The following WDR76 variants were observed in gnomAD, a reference collection of about 807,000 sequenced individuals.
WDR76 encodes WD repeat-containing protein 76.
A neutral mutation model predicts 70.2 loss-of-function variants in WDR76; 52 were observed. The observed-to-expected ratio is 0.74, with a 90% CI of 0.59 to 0.93. The LOEUF is 0.93. Ranked by LOEUF, WDR76 falls within the 40% of genes least tolerant of loss-of-function variation. WDR76 has a pLI of 0.00. For synonymous variants in WDR76, 292 were observed against 271.1 expected (o/e 1.08, Z -0.76); for missense variants, 756 against 760.2 (o/e 0.99, Z 0.07).
intron 9 of WDR76, among the ~76,000 whole-genome samples, chr15:43,854,494 T>TCCA (rs1275904830): frequency 3.3e-5 from 5 of 151,884 alleles, no homozygotes; most frequent in Non-Finnish European, 5.9e-5. Context: ...CACTTGAACC[T>TCCA]GGAAGGGTGA....
At chr15:43,835,205 G>A (rs1002669820) in intron 3 of WDR76, 55 bp downstream of exon 3, 44 of 1,521,038 alleles carry the variant, frequency 2.9e-5, no homozygotes, top group Non-Finnish European at 3.8e-5. Context: ...AGTGGGTAGC[G>A]CCTGTAATCC....
chr15:43,837,042 C>CAAAAAAAAA (rs541159343), intron 4 of WDR76, among the ~76,000 whole-genome samples: 1 of 58,306 alleles, frequency 1.7e-5, no homozygotes, highest in African/African-American at 6.4e-5. Context: ...CTCCATCTCA[C>CAAAAAAAAA]AAAAAAAAAA....
chr15:43,841,234 A>C (rs1373431508), intron 5 of WDR76, among the ~76,000 whole-genome samples: 2 of 129,688 alleles, frequency 1.5e-5, no homozygotes, highest in Admixed American at 8.7e-5. Context: ...ACGGAGTCTC[A>C]ATCTGTTGCC....
At chr15:43,847,461 G>A (rs1736336512) in intron 8 of WDR76, among the ~76,000 whole-genome samples, 1 of 150,240 alleles carries the variant, frequency 6.7e-6, no homozygotes, top group African/African-American at 2.5e-5. Context: ...TTGCTCTGTT[G>A]CCCAGGCTGG....
chr15:43,861,182 G>A, intron 11 of WDR76, 151 bp from the exon 12 acceptor site: 1 of 673,338 alleles, frequency 1.5e-6, no homozygotes. Context: ...TACAGGCATG[G>A]GCCTCTAAAC....
chr15:43,839,819 G>A, intron 5 of WDR76, 91 bp downstream of exon 5: 1 of 1,345,036 alleles, frequency 7.4e-7, no homozygotes, highest in Non-Finnish European at 9.9e-7. Context: ...ATTAAATTAT[G>A]TTTAATTTTA....
intron 8 of WDR76, among the ~76,000 whole-genome samples, chr15:43,849,088 T>C (rs2087824428): frequency 6.6e-6 from 1 of 150,530 alleles, no homozygotes. Context: ...GACAGGAGAA[T>C]CGCTTGAACC....
chr15:43,848,477 C>T (rs2087815745), intron 8 of WDR76, among the ~76,000 whole-genome samples: 1 of 152,116 alleles, frequency 6.6e-6, no homozygotes, highest in Non-Finnish European at 1.5e-5. Flanking sequence ...GATTTTTCCT[C>T]TTTTCAATGA....
chr15:43,838,519 C>T (rs572768841), intron 4 of WDR76, among the ~76,000 whole-genome samples: 2 of 152,312 alleles, frequency 1.3e-5, no homozygotes, highest in African/African-American at 2.4e-5. Context: ...GTGAGTGTAT[C>T]CTTAAACACT....
Position 43,856,948 on chromosome 15 carries a change from G to A in WDR76, c.1194G>A (p.Val398=), listed in dbSNP as rs778691011. 17 of 1,613,144 alleles carry A rather than the reference G, an allele frequency of 1.1e-5. No homozygotes were observed. In the African/African-American group the frequency reaches 2.3e-4, roughly 22 times the overall value. Reference sequence around the variant, plus strand: ...CTGATTGTTACTTATATTCTTAGGTGTATAGAAATGAAAGAAGTAGCTTTT... The same window carrying A: ...CTGATTGTTACTTATATTCTTAGGTATATAGAAATGAAAGAAGTAGCTTTT... ...GDFSRAIFEE[V]YRNERSSFSS... Residue 398 remains valine, a splice_region_variant and synonymous_variant, in exon 10 of 13, where the codon GTG becomes GTA. Transcript: ENST00000263795.
In WDR76 at chr15:43,857,910, G is replaced by A. The variant is rs192974116; in HGVS notation, c.1409+747G>A. ...TTGAGATGTGTCTAGTATTGTACTT[G>A]TTATCTATACCAGTTTTGGGGAAAT... On this transcript the variant is annotated intron_variant, in intron 10 of 12. Coordinates refer to ENST00000263795, the MANE Select transcript of WDR76 (RefSeq NM_024908.4). 2.1e-3 allele frequency among the ~76,000 whole-genome samples: 292 copies of A among 140,960 alleles called. 1 individual carries two copies. Among genetic ancestry groups the A allele is most frequent in the African/African-American group, 7.2e-3 (279 of 38,524 alleles). The allele number at this position is 140,960 out of a possible 152,430, so 92.5% of individuals were successfully genotyped here. A position where few individuals can be genotyped will look rare whatever the true frequency, so the allele number is the denominator to read the frequency against.
At position 43,867,121 on chromosome 15, in the gene WDR76, C is replaced by T. The variant is rs1449796719; in HGVS notation, c.*729C>T. The T allele has an allele frequency of 6.6e-6, 1 of 152,136 alleles. No homozygotes were observed. The allele number at this position is 152,136 out of a possible 1,614,324, so 9.4% of individuals were successfully genotyped here. A position where few individuals can be genotyped will look rare whatever the true frequency, so the allele number is the denominator to read the frequency against. On this transcript the variant is annotated 3_prime_UTR_variant, in exon 13 of 13. Coordinates refer to ENST00000263795, the MANE Select transcript of WDR76 (RefSeq NM_024908.4). The stretch of plus-strand genomic sequence containing the variant: ...AAGGGGACCCGGAAAGGTAATGTAA[C>T]TCAGTGATTTTAAAACTTGATTTTT...
At chr15:43,851,494 G>A (rs1159575506) in intron 9 of WDR76, among the ~76,000 whole-genome samples, 1 of 152,178 alleles carries the variant, frequency 6.6e-6, no homozygotes, top group African/African-American at 2.4e-5. Flanking sequence ...TTACAGGGTT[G>A]TCATGAGAAT....
At chr15:43,837,875 T>C (rs1226152556) in intron 4 of WDR76, among the ~76,000 whole-genome samples, 2 of 105,724 alleles carry the variant, frequency 1.9e-5, no homozygotes, top group Non-Finnish European at 3.5e-5. Flanking sequence ...ATTTATTTAT[T>C]GCTTTTTTTT....
intron 5 of WDR76, among the ~76,000 whole-genome samples, chr15:43,841,692 C>T (rs2930532): frequency 0.94 from 143,669 of 152,124 alleles, 68,373 homozygotes; most frequent in East Asian, 1. Flanking sequence ...TTGTGACATA[C>T]TAACATGATT....
At chr15:43,860,432 T>C (rs144360728) in intron 11 of WDR76, among the ~76,000 whole-genome samples, 2 of 152,208 alleles carry the variant, frequency 1.3e-5, no homozygotes, top group Non-Finnish European at 2.9e-5. Context: ...TTGTATATAG[T>C]TTTACAGTTC....
intron 4 of WDR76, among the ~76,000 whole-genome samples, chr15:43,837,816 C>A (rs887579500): frequency 6.6e-6 from 1 of 151,984 alleles, no homozygotes; most frequent in Non-Finnish European, 1.5e-5. Flanking sequence ...ATATACCCCT[C>A]CCTCCCGATA....
In WDR76 at chr15:43,866,428, A is replaced by T. The variant is rs1169538218; in HGVS notation, c.*36A>T. 3 of 1,609,524 alleles carry T rather than the reference A, an allele frequency of 1.9e-6. No individual in the cohort carries two copies. The Admixed American group carries it at 5.0e-5, about 27-fold the overall frequency. The stretch of plus-strand genomic sequence containing the variant: ...TAGGAACATCAATTTGTTCAAATTG[A>T]CCACTGTCTAAGGAGCCTAGTAATC... On this transcript the variant is annotated 3_prime_UTR_variant, in exon 13 of 13. Coordinates refer to ENST00000263795, the MANE Select transcript of WDR76 (RefSeq NM_024908.4).
chr15:43,847,631 C>A (rs990922660), intron 8 of WDR76, among the ~76,000 whole-genome samples: 2 of 152,114 alleles, frequency 1.3e-5, no homozygotes, highest in African/African-American at 4.8e-5. Flanking sequence ...CCATCTTGGC[C>A]AGGCTGGTCT....
Sources: gnomAD v4.1 joint callset for allele counts (sites outside exome capture counted in the v4.1 genomes callset) on GRCh38, gnomAD v4.1.1 for gene constraint, MANE v1.5 for transcripts, NCBI Gene and HGNC (gene_info 2026-07-23, HGNC 2026-07-21) for gene names.